OXR1: variants seen among roughly 807,000 people sequenced by gnomAD.
OXR1 encodes oxidation resistance 1.
In OXR1, 41 loss-of-function variants were observed where a neutral mutation model predicts 104.6. The observed-to-expected ratio is 0.39, with a 90% CI of 0.31 to 0.51. The LOEUF (loss-of-function observed/expected upper bound fraction) is 0.51. OXR1 is among the 20% of genes least tolerant of loss of function. OXR1 has a pLI of 0.77. For synonymous variants in OXR1, 348 were observed against 348.4 expected (o/e 1.00, Z 0.01); for missense variants, 955 against 1,031.9 (o/e 0.93, Z 1.02).
intron 3 of OXR1, among the ~76,000 whole-genome samples, chr8:106,547,077 G>C (rs10099821): frequency 0.17 from 25,159 of 152,000 alleles, 2,164 homozygotes; most frequent in East Asian, 0.24. Flanking sequence ...TTTTAGTAGA[G>C]ACCGGGTTTC....
chr8:106,661,433 A>C (rs776749900), intron 3 of OXR1, among the ~76,000 whole-genome samples: 1 of 152,226 alleles, frequency 6.6e-6, no homozygotes, highest in Non-Finnish European at 1.5e-5. Context: ...TTACAAAGGA[A>C]ACATCTTAAA....
At chr8:106,472,828 A>G (rs116679374) in intron 2 of OXR1, among the ~76,000 whole-genome samples, 1,661 of 151,748 alleles carry the variant, frequency 0.011, 28 homozygotes, top group African/African-American at 0.038. Flanking sequence ...CTCACTCCCT[A>G]TGGTCTTTTA....
At chr8:106,714,239 T>C (rs1832010642) in intron 11 of OXR1, among the ~76,000 whole-genome samples, 1 of 152,038 alleles carries the variant, frequency 6.6e-6, no homozygotes, top group Non-Finnish European at 1.5e-5. Context: ...GAGTGTCTTA[T>C]AGAATATTTA....
At chr8:106,314,718 G>C (rs1411673043) in intron 1 of OXR1, among the ~76,000 whole-genome samples, 1 of 152,124 alleles carries the variant, frequency 6.6e-6, no homozygotes, top group African/African-American at 2.4e-5. Flanking sequence ...AGTTCATTCT[G>C]ACTTCACACA....
chr8:106,499,927 T>A (rs1202278826), intron 2 of OXR1, among the ~76,000 whole-genome samples: 1 of 152,210 alleles, frequency 6.6e-6, no homozygotes. Context: ...AAGCAGCATT[T>A]CTGTGGCCTG....
At chr8:106,658,376 G>T (rs888429524) in intron 3 of OXR1, among the ~76,000 whole-genome samples, 2 of 152,200 alleles carry the variant, frequency 1.3e-5, no homozygotes, top group African/African-American at 4.8e-5. Flanking sequence ...TCTGGGGAGG[G>T]AAGACTTTCA....
intron 3 of OXR1, among the ~76,000 whole-genome samples, chr8:106,530,481 T>C (rs1219951491): frequency 3.3e-5 from 5 of 152,048 alleles, no homozygotes; most frequent in Non-Finnish European, 7.4e-5. Context: ...CATGTAAAAA[T>C]ACTACAGGAT....
intron 2 of OXR1, among the ~76,000 whole-genome samples, chr8:106,453,365 G>C (rs1343825630): frequency 1.3e-5 from 2 of 152,172 alleles, no homozygotes; most frequent in Admixed American, 6.5e-5. Flanking sequence ...AAATATGTTT[G>C]ATGATAGAAT....
At position 106,692,913 on chromosome 8, in the gene OXR1, T is replaced by G. The variant is rs369761814; in HGVS notation, c.675+36T>G. 5 of 1,461,152 alleles carry G rather than the reference T, an allele frequency of 3.4e-6. No individual in the cohort carries two copies. In the East Asian group the frequency reaches 1.1e-4, roughly 33 times the overall value. The allele number at this position is 1,461,152 out of a possible 1,614,324, so 90.5% of individuals were successfully genotyped here. A position where few individuals can be genotyped will look rare whatever the true frequency, so the allele number is the denominator to read the frequency against. Reference sequence around the variant, plus strand: ...ACACTTTAGAGAAGACCTTTAATCATGCTTTAGTTATTACTAATGTATGAT... The same window carrying G: ...ACACTTTAGAGAAGACCTTTAATCAGGCTTTAGTTATTACTAATGTATGAT... On this transcript the variant is annotated intron_variant, in intron 7 of 16. Coordinates refer to ENST00000517566, the MANE Select transcript of OXR1 (RefSeq NM_001198533.2).
intron 2 of OXR1, among the ~76,000 whole-genome samples, chr8:106,424,780 C>G (rs1819042473): frequency 6.6e-6 from 1 of 151,858 alleles, no homozygotes; most frequent in African/African-American, 2.4e-5. Context: ...TTTTTGATTA[C>G]TATAATTTAT....
chr8:106,475,466 A>G (rs1003433373), intron 2 of OXR1, among the ~76,000 whole-genome samples: 1 of 151,918 alleles, frequency 6.6e-6, no homozygotes, highest in African/African-American at 2.4e-5. Context: ...TGGCAGAGGC[A>G]GAAGAGGTGG....
intron 2 of OXR1, among the ~76,000 whole-genome samples, chr8:106,508,699 C>G (rs942875955): frequency 6.6e-6 from 1 of 152,206 alleles, no homozygotes; most frequent in Non-Finnish European, 1.5e-5. Flanking sequence ...AGTCAAGAAA[C>G]AATGGGTTAC....
intron 3 of OXR1, among the ~76,000 whole-genome samples, chr8:106,609,723 TA>T (rs1820667144): frequency 6.6e-6 from 1 of 152,166 alleles, no homozygotes; most frequent in African/African-American, 2.4e-5. Flanking sequence ...TATGGTTATA[TA>T]AAAGACTACC....
intron 3 of OXR1, among the ~76,000 whole-genome samples, chr8:106,566,282 A>G (rs1223589138): frequency 6.6e-6 from 1 of 151,862 alleles, no homozygotes; most frequent in East Asian, 1.9e-4. Context: ...TTACAAGAAA[A>G]AAACAACCCC....
At chr8:106,349,490 T>C (rs1815634578) in intron 1 of OXR1, among the ~76,000 whole-genome samples, 1 of 151,908 alleles carries the variant, frequency 6.6e-6, no homozygotes, top group Non-Finnish European at 1.5e-5. Flanking sequence ...AGTTGAGCAG[T>C]AAACAAAGCA....
At chr8:106,619,803 AT>A (rs1821547171) in intron 3 of OXR1, among the ~76,000 whole-genome samples, 1 of 152,062 alleles carries the variant, frequency 6.6e-6, no homozygotes, top group Admixed American at 6.6e-5. Flanking sequence ...AGATCAGGAG[AT>A]TTGGCGTGAG....
intron 2 of OXR1, among the ~76,000 whole-genome samples, chr8:106,404,615 G>T: frequency 6.6e-6 from 1 of 150,878 alleles, no homozygotes; most frequent in Non-Finnish European, 1.5e-5. Flanking sequence ...TCACCACTTT[G>T]TCCAGAAACA....
chr8:106,727,194 G>A lies in OXR1; in HGVS notation c.1957-10326G>A, dbSNP rs192247948. 2.0e-5 allele frequency among the ~76,000 whole-genome samples: 3 copies of A among 151,102 alleles called. No homozygotes were observed. The East Asian group carries it at 5.8e-4, about 29-fold the overall frequency. On this transcript the variant is annotated intron_variant, in intron 11 of 16. Transcript: ENST00000517566. ...TTTACCAGATAAATCAGTTAACACCGTTGTTTTTTTTTTAAACCAAGAACA... is the reference window on the plus strand; with the variant it reads ...TTTACCAGATAAATCAGTTAACACCATTGTTTTTTTTTTAAACCAAGAACA...
chr8:106,472,556 C>T (rs1427738389), intron 2 of OXR1, among the ~76,000 whole-genome samples: 1 of 151,678 alleles, frequency 6.6e-6, no homozygotes, highest in African/African-American at 2.4e-5. Flanking sequence ...TGTATATGCA[C>T]AAAAGTTTAA....
Sources: allele counts gnomAD v4.1 joint callset (sites outside exome capture counted in the v4.1 genomes callset), GRCh38; gene constraint gnomAD v4.1.1; transcripts MANE v1.5; gene names NCBI Gene and HGNC (gene_info 2026-07-23, HGNC 2026-07-21).